Variants in NKAIN2 observed in about 807,000 individuals in gnomAD.
The protein encoded by NKAIN2 is sodium/potassium transporting ATPase interacting 2, also known as sodium/potassium-transporting ATPase subunit beta-1-interacting protein 2.
In NKAIN2, 14 loss-of-function variants were observed where a neutral mutation model predicts 32.6. That is an observed-to-expected ratio of 0.43 (90% CI 0.28 to 0.67). The LOEUF (loss-of-function observed/expected upper bound fraction) is 0.67. NKAIN2 is among the 30% of genes least tolerant of loss of function. The probability of loss-of-function intolerance (pLI) is 0.17; values close to 1 mark genes in which losing one functional copy is unlikely to be tolerated. For missense variants in NKAIN2, 198 were observed against 258.3 expected (o/e 0.77, Z 1.60); for synonymous variants, 80 against 87.2 (o/e 0.92, Z 0.46).
At chr6:123,985,657 G>A (rs1779103450) in intron 1 of NKAIN2, among the ~76,000 whole-genome samples, 1 of 152,110 alleles carries the variant, frequency 6.6e-6, no homozygotes, top group African/African-American at 2.4e-5. Flanking sequence ...TATTCACTAG[G>A]CACACAACAT....
chr6:124,501,726 G>A (rs911617345), intron 3 of NKAIN2, among the ~76,000 whole-genome samples: 9 of 152,014 alleles, frequency 5.9e-5, no homozygotes, highest in Middle Eastern at 6.8e-3. Flanking sequence ...ACCCACCTTC[G>A]CCTCTCTAGC....
At chr6:124,725,783 C>T (rs1776259071) in intron 4 of NKAIN2, among the ~76,000 whole-genome samples, 1 of 152,166 alleles carries the variant, frequency 6.6e-6, no homozygotes, top group Non-Finnish European at 1.5e-5. Flanking sequence ...TTCTGCATTT[C>T]CATCTGAGGT....
At chr6:124,410,303 T>C (rs567050838) in intron 3 of NKAIN2, among the ~76,000 whole-genome samples, 3 of 152,318 alleles carry the variant, frequency 2.0e-5, no homozygotes, top group Admixed American at 6.5e-5. Context: ...CAATTTTAGA[T>C]CTTTCCTCCT....
chr6:124,070,945 A>G (rs1306121089), intron 1 of NKAIN2, among the ~76,000 whole-genome samples: 1 of 152,196 alleles, frequency 6.6e-6, no homozygotes, highest in Non-Finnish European at 1.5e-5. Context: ...AAGTGAATGC[A>G]TTGTATAAAG....
intron 2 of NKAIN2, among the ~76,000 whole-genome samples, chr6:124,328,585 T>C (rs1345883064): frequency 6.6e-6 from 1 of 152,208 alleles, no homozygotes; most frequent in Admixed American, 6.5e-5. Context: ...AAAATCAGGA[T>C]TGAGCAGACA....
intron 1 of NKAIN2, among the ~76,000 whole-genome samples, chr6:124,280,322 A>G (rs1795233121): frequency 1.3e-5 from 2 of 152,208 alleles, no homozygotes; most frequent in Admixed American, 1.3e-4. Flanking sequence ...GAGAGATTCT[A>G]TGAAGTAGCA....
At chr6:124,458,829 T>A (rs1776420234) in intron 3 of NKAIN2, among the ~76,000 whole-genome samples, 1 of 151,788 alleles carries the variant, frequency 6.6e-6, no homozygotes, top group Admixed American at 6.6e-5. Context: ...TTCCCCTGCC[T>A]ACTAGGAGCG....
Position 123,980,907 on chromosome 6 carries a change from G to A in NKAIN2, c.54+176653G>A, listed in dbSNP as rs571119722. 4.1e-5 allele frequency among the ~76,000 whole-genome samples: 6 copies of A among 147,596 alleles called. No individual in the cohort carries two copies. The East Asian group carries it at 1.0e-3, about 25-fold the overall frequency. On this transcript the variant is annotated intron_variant, in intron 1 of 6. Coordinates refer to ENST00000368417, the MANE Select transcript of NKAIN2 (RefSeq NM_001040214.3). ...TTTTTTTGAGATGGAGTCTTGCTCT[G>A]TTGCCAGGCTGGAGTGCAGTGGTGC...
At chr6:124,726,181 A>C (rs1776293548) in intron 4 of NKAIN2, among the ~76,000 whole-genome samples, 1 of 152,204 alleles carries the variant, frequency 6.6e-6, no homozygotes, top group African/African-American at 2.4e-5. Flanking sequence ...AGCAGCCAGA[A>C]AGCTCCAACT....
chr6:124,292,644 T>G (rs1167156236), intron 2 of NKAIN2, among the ~76,000 whole-genome samples: 1 of 130,240 alleles, frequency 7.7e-6, no homozygotes, highest in Non-Finnish European at 1.5e-5. Context: ...TGCTCTGGTT[T>G]AAAGGCCTTT....
chr6:123,989,295 T>C (rs1178720620), intron 1 of NKAIN2, among the ~76,000 whole-genome samples: 1 of 152,140 alleles, frequency 6.6e-6, no homozygotes, highest in Non-Finnish European at 1.5e-5. Context: ...CCTAATTGAG[T>C]TGTCAGCCAA....
chr6:124,664,139 G>C (rs1336252779), intron 4 of NKAIN2, among the ~76,000 whole-genome samples: 1 of 151,906 alleles, frequency 6.6e-6, no homozygotes, highest in Non-Finnish European at 1.5e-5. Context: ...GCTGGACATG[G>C]TGGCGGATGC....
chr6:124,334,741 C>A (rs1025153740), intron 2 of NKAIN2, among the ~76,000 whole-genome samples: 10 of 152,204 alleles, frequency 6.6e-5, no homozygotes, highest in African/African-American at 2.4e-4. Flanking sequence ...CTCGCCAGAA[C>A]TTCTAATTTG....
At chr6:123,938,439 TATATATATATATACAC>T (rs1776643410) in intron 1 of NKAIN2, among the ~76,000 whole-genome samples, 3 of 37,528 alleles carry the variant, frequency 8.0e-5, no homozygotes, top group Admixed American at 3.3e-4. Context: ...TATATATATA[TATATATATATATACAC>T]ACACACACAC....
rs562155619 is a variant in NKAIN2, at chr6:124,498,586, A to C, written c.273+143239A>C. On this transcript the variant is annotated intron_variant, in intron 3 of 6. Transcript: ENST00000368417. The stretch of plus-strand genomic sequence containing the variant: ...ATGACAGAACCCACAGAAATACATC[A>C]TACACTGTGAAACAGAGCATAATTT... Among the ~76,000 whole-genome samples the C allele has an allele frequency of 1.9e-4, 29 of 152,336 alleles. No individual in the cohort carries two copies. The South Asian group carries it at 5.8e-3, about 30-fold the overall frequency.
chr6:124,725,756 A>G (rs543524182), intron 4 of NKAIN2, among the ~76,000 whole-genome samples: 9 of 152,306 alleles, frequency 5.9e-5, no homozygotes, highest in Admixed American at 2.0e-4. Flanking sequence ...AGTGTGAGCG[A>G]CGCAGAAGAC....
chr6:124,327,024 A>G (rs1001852740), intron 2 of NKAIN2, among the ~76,000 whole-genome samples: 8 of 151,610 alleles, frequency 5.3e-5, no homozygotes, highest in African/African-American at 1.5e-4. Flanking sequence ...TTTTATTTAC[A>G]ATTGAGCAGT....
intron 1 of NKAIN2, among the ~76,000 whole-genome samples, chr6:123,813,828 A>G (rs1440223005): frequency 6.6e-6 from 1 of 151,330 alleles, no homozygotes; most frequent in Admixed American, 6.6e-5. Flanking sequence ...TTGATGATAC[A>G]TAGGTGGTAT....
intron 3 of NKAIN2, among the ~76,000 whole-genome samples, chr6:124,441,312 G>T (rs9388336): frequency 6.6e-6 from 1 of 152,186 alleles, no homozygotes; most frequent in South Asian, 2.1e-4. Context: ...TTCCAATCAA[G>T]AGAAATGTGG....
Sources: allele counts gnomAD v4.1 joint callset (sites outside exome capture counted in the v4.1 genomes callset), GRCh38; gene constraint gnomAD v4.1.1; transcripts MANE v1.5; gene names NCBI Gene and HGNC (gene_info 2026-07-23, HGNC 2026-07-21).